Variants in TAF15 observed in about 807,000 individuals in gnomAD.
The protein encoded by TAF15 is TATA-binding protein-associated factor 2N.
In TAF15, 37 loss-of-function variants were observed where a neutral mutation model predicts 102.5. That is an observed-to-expected ratio of 0.36 (90% CI 0.28 to 0.47). TAF15 has a LOEUF of 0.47. Ranked by LOEUF, TAF15 falls within the 20% of genes least tolerant of loss-of-function variation. The pLI is 0.99. For missense variants in TAF15, 652 were observed against 760.7 expected (o/e 0.86, Z 1.68); for synonymous variants, 273 against 259.2 (o/e 1.05, Z -0.51).
chr17:35,833,128 G>T (rs545848289), intron 7 of TAF15, among the ~76,000 whole-genome samples: 44 of 151,568 alleles, frequency 2.9e-4, no homozygotes, highest in Middle Eastern at 3.4e-3. Flanking sequence ...CTGCACTTCA[G>T]CCTGGGTGAC....
intron 7 of TAF15, among the ~76,000 whole-genome samples, chr17:35,826,505 G>A (rs560616097): frequency 6.6e-6 from 1 of 151,688 alleles, no homozygotes; most frequent in Non-Finnish European, 1.5e-5. Flanking sequence ...AATAAACAGA[G>A]TTGTGTTCCA....
Position 35,844,673 on chromosome 17 carries a change from C to T in TAF15, c.1374C>T (p.Asp458=). ...GAAGTGGGGGTGGCTATGGTGGGGA[C>T]AGAGGCGGCGGCTATGGTGGGGACA... The part of the protein sequence containing the change: ...GDRSGGGYGG[D]RGGGYGGDRG... Residue 458 remains aspartate, a synonymous_variant, in exon 15 of 16, where the codon GAC becomes GAT. Coordinates refer to ENST00000605844, the MANE Select transcript of TAF15 (RefSeq NM_139215.3). The T allele has an allele frequency of 6.3e-7, 1 of 1,598,776 alleles. No individual in the cohort carries two copies. Among genetic ancestry groups the T allele is most frequent in the Non-Finnish European group, 8.5e-7 (1 of 1,173,650 alleles).
chr17:35,832,191 T>C (rs1487646528), intron 7 of TAF15, among the ~76,000 whole-genome samples: 7 of 152,248 alleles, frequency 4.6e-5, no homozygotes, highest in African/African-American at 1.7e-4. Flanking sequence ...TAGGCAGTGA[T>C]ATACATGTCA....
chr17:35,823,415 G>C (rs980031813), intron 6 of TAF15, among the ~76,000 whole-genome samples: 1 of 151,966 alleles, frequency 6.6e-6, no homozygotes, highest in African/African-American at 2.4e-5. Context: ...TTTAAGATTG[G>C]GGGGCCGGGC....
chr17:35,827,039 C>T (rs1025465998), intron 7 of TAF15, among the ~76,000 whole-genome samples: 1 of 151,816 alleles, frequency 6.6e-6, no homozygotes, highest in African/African-American at 2.4e-5. Flanking sequence ...CCAGAATACC[C>T]AAACATTTTT....
chr17:35,809,492 T>A lies in TAF15; in HGVS notation c.-78T>A, dbSNP rs182690536. 7.5e-6 allele frequency: 12 copies of A among 1,603,714 alleles called. No homozygotes were observed. The African/African-American group carries it at 1.1e-4, about 14-fold the overall frequency. ...CCCGCCGCGCCGCCCTCAGTACAGCTCCGGCCGCCGCGCCGCCTGGCTTTC... is the reference window on the plus strand; with the variant it reads ...CCCGCCGCGCCGCCCTCAGTACAGCACCGGCCGCCGCGCCGCCTGGCTTTC... On this transcript the variant is annotated 5_prime_UTR_variant, in exon 1 of 16. Coordinates refer to ENST00000605844, the MANE Select transcript of TAF15 (RefSeq NM_139215.3).
chr17:35,839,585 T>C (rs1457723888), intron 11 of TAF15, among the ~76,000 whole-genome samples: 1 of 152,024 alleles, frequency 6.6e-6, no homozygotes, highest in Non-Finnish European at 1.5e-5. Flanking sequence ...GGTTTCACCA[T>C]GTTAGCCAGG....
intron 7 of TAF15, chr17:35,830,034 G>C (rs1382467983): frequency 6.6e-6 from 1 of 152,280 alleles, no homozygotes; most frequent in Non-Finnish European, 1.5e-5. Flanking sequence ...CAGCTACTCG[G>C]GAGGCTGACG....
At chr17:35,811,289 T>C (rs1017792882) in intron 1 of TAF15, 1 of 152,234 alleles carries the variant, frequency 6.6e-6, no homozygotes, top group African/African-American at 2.4e-5. Flanking sequence ...TAAGCTGGCT[T>C]AATCATTAGT....
intron 2 of TAF15, among the ~76,000 whole-genome samples, chr17:35,818,068 C>T (rs2087215451): frequency 6.6e-6 from 1 of 151,960 alleles, no homozygotes. Flanking sequence ...ATCTCCACTA[C>T]AGACATGTGC....
In TAF15 at chr17:35,820,092, A is replaced by G; in HGVS notation, c.99+17A>G. The G allele has an allele frequency of 6.2e-7, 1 of 1,614,012 alleles. No individual in the cohort carries two copies. The highest frequency in any genetic ancestry group is 1.3e-5 in the African/African-American group (1 of 75,060). On this transcript the variant is annotated intron_variant, in intron 3 of 15. Coordinates refer to ENST00000605844, the MANE Select transcript of TAF15 (RefSeq NM_139215.3). ...GCATCACAAGTAGGTTGAAATATAAATTGTATTCTTCATAAGTAGTTATTT... is the reference window on the plus strand; with the variant it reads ...GCATCACAAGTAGGTTGAAATATAAGTTGTATTCTTCATAAGTAGTTATTT...
At chr17:35,840,960 A>T (rs1260070453) in intron 11 of TAF15, among the ~76,000 whole-genome samples, 2 of 152,166 alleles carry the variant, frequency 1.3e-5, no homozygotes, top group Non-Finnish European at 2.9e-5. Context: ...CTTGCTCTTG[A>T]AGGCTAAGTC....
At chr17:35,832,737 T>C (rs1028989962) in intron 7 of TAF15, among the ~76,000 whole-genome samples, 1 of 152,176 alleles carries the variant, frequency 6.6e-6, no homozygotes. Flanking sequence ...ATTACAGAAT[T>C]CAGTTAAGAG....
rs571159030 is a variant in TAF15 at position 35,822,931 on chromosome 17, A to G, written c.484+98A>G. On this transcript the variant is annotated intron_variant, in intron 6 of 15. Coordinates refer to ENST00000605844, the MANE Select transcript of TAF15 (RefSeq NM_139215.3). Reference sequence around the variant, plus strand: ...ACCACAGAGGATTTCACCTGTTTGTAAAAATTTAGGGTAACCTTGAAGATA... The same window carrying G: ...ACCACAGAGGATTTCACCTGTTTGTGAAAATTTAGGGTAACCTTGAAGATA... 2.9e-5 allele frequency: 42 copies of G among 1,446,664 alleles called. No individual in the cohort carries two copies. The African/African-American group carries it at 5.8e-4, about 20-fold the overall frequency. 89.6% of individuals were successfully genotyped at this position (1,446,664 alleles called of 1,614,324 possible).
chr17:35,841,319 CAT>C (rs1185263156), intron 11 of TAF15, among the ~76,000 whole-genome samples: 2 of 152,214 alleles, frequency 1.3e-5, no homozygotes, highest in East Asian at 3.8e-4. Flanking sequence ...TAAATACGTA[CAT>C]GTTACTGCAC....
At chr17:35,840,754 C>T (rs2087533892) in intron 11 of TAF15, among the ~76,000 whole-genome samples, 1 of 151,956 alleles carries the variant, frequency 6.6e-6, no homozygotes, top group Non-Finnish European at 1.5e-5. Flanking sequence ...ATCCCAGCTA[C>T]TCAGGAGGCT....
intron 2 of TAF15, among the ~76,000 whole-genome samples, chr17:35,819,479 C>T (rs2087234232): frequency 6.6e-6 from 1 of 152,162 alleles, no homozygotes; most frequent in Non-Finnish European, 1.5e-5. Context: ...TAATTTCATT[C>T]AATGACTGTA....
intron 1 of TAF15, among the ~76,000 whole-genome samples, chr17:35,815,943 T>A (rs531788185): frequency 6.6e-6 from 1 of 152,318 alleles, no homozygotes; most frequent in South Asian, 2.1e-4. Flanking sequence ...AGTAGTAGTT[T>A]GTGTCAAGAT....
intron 7 of TAF15, among the ~76,000 whole-genome samples, chr17:35,831,146 T>TA (rs1201865976): frequency 6.6e-6 from 1 of 152,174 alleles, no homozygotes; most frequent in Non-Finnish European, 1.5e-5. Context: ...CTCATGCCTG[T>TA]AATCCCAGTG....
Sources: allele counts gnomAD v4.1 joint callset (sites outside exome capture counted in the v4.1 genomes callset), GRCh38; gene constraint gnomAD v4.1.1; transcripts MANE v1.5; gene names NCBI Gene and HGNC (gene_info 2026-07-23, HGNC 2026-07-21).